Variants in TJAP1 observed in about 807,000 individuals in gnomAD.
The protein encoded by TJAP1 is tight junction associated protein 1, also known as tight junction-associated protein 1.
Under a neutral mutation model 42.0 loss-of-function variants are expected in TJAP1, and 27 were observed. The ratio of observed to expected loss-of-function variants is 0.64; its 90% confidence interval spans 0.47 to 0.89. The LOEUF is 0.89. TJAP1 is among the 40% of genes least tolerant of loss of function. The pLI is 0.00. For synonymous variants in TJAP1, 257 were observed against 288.4 expected, an observed-to-expected ratio of 0.89 and a Z score of 1.10; for missense variants, 712 against 726.9, an observed-to-expected ratio of 0.98 and a Z score of 0.24.
chr6:43,494,762 AG>A (rs1384599862), intron 2 of TJAP1, among the ~76,000 whole-genome samples: 2 of 151,192 alleles, frequency 1.3e-5, no homozygotes, highest in African/African-American at 4.9e-5. Flanking sequence ...TTGTAGAGAC[AG>A]GGTTTCACCA....
intron 3 of TJAP1, 117 bp from the exon 4 acceptor site, chr6:43,498,861 C>A: frequency 1.8e-6 from 2 of 1,096,350 alleles, no homozygotes; most frequent in Non-Finnish European, 1.3e-6. Context: ...ATGGCCCAGG[C>A]CTGTCAGCCT....
intron 2 of TJAP1, among the ~76,000 whole-genome samples, chr6:43,489,971 C>G (rs1212727379): frequency 6.6e-6 from 1 of 152,200 alleles, no homozygotes; most frequent in East Asian, 1.9e-4. Flanking sequence ...TGCCATGAGT[C>G]TGTCGCTAAC....
intron 2 of TJAP1, 31 bp from the exon 3 acceptor site, chr6:43,497,850 G>A (rs1789567889): frequency 6.6e-6 from 1 of 152,336 alleles, no homozygotes; most frequent in African/African-American, 2.4e-5. Context: ...CTGACACCTG[G>A]TTTCCACTTT....
chr6:43,505,652 A>C lies in TJAP1; in HGVS notation c.1471A>C (p.Ser491Arg). 6.2e-7 allele frequency: 1 copy of C among 1,611,870 alleles called. No homozygotes were observed. Among genetic ancestry groups the C allele is most frequent in the Non-Finnish European group, 8.5e-7 (1 of 1,178,710 alleles). The change falls in exon 11 of 11, where the codon AGT becomes CGT. Residue 491 changes from serine to arginine, a missense_variant. This residue lies in a region of TJAP1 where 549 missense variants were observed against 528.2 expected (regional missense o/e 1.04). Coordinates refer to ENST00000372449, the Ensembl canonical transcript of TJAP1. This position sits in a 1 kb window ranked among gnomAD's most constrained non-coding sequence, Gnocchi z 5.5. ...GGAAGAAGAGCTGAACCTGCCTATCAGTCCTGAGGAAGAGCGCCAGAGCCT... is the reference window on the plus strand; with the variant it reads ...GGAAGAAGAGCTGAACCTGCCTATCCGTCCTGAGGAAGAGCGCCAGAGCCT...
At chr6:43,499,003 T>C (rs752696530) in exon 4 of TJAP1, 5 of 1,613,746 alleles carry the variant, frequency 3.1e-6, no homozygotes, top group Admixed American at 1.7e-5. Flanking sequence ...CCTCCCAGAA[T>C]GACTAGTGCC....
chr6:43,501,387 A>G, intron 5 of TJAP1, 139 bp from the exon 6 acceptor site: 1 of 754,130 alleles, frequency 1.3e-6, no homozygotes, highest in Non-Finnish European at 2.2e-6. Flanking sequence ...TTAGACTCAG[A>G]CTAAGACTCC....
At position 43,501,319 on chromosome 6, in the gene TJAP1, C is replaced by T. The variant is rs557944682; in HGVS notation, c.129-207C>T. 21 of 576,384 alleles carry T rather than the reference C, an allele frequency of 3.6e-5. No homozygotes were observed. The East Asian group carries it at 5.8e-4, about 16-fold the overall frequency. 35.7% of individuals were successfully genotyped at this position (576,384 alleles called of 1,614,324 possible). ...TCCCCTACCATCCCCTCTTCCTCCCCTGACCCTCCAACCCAGGCTGTGTTC... is the reference window on the plus strand; with the variant it reads ...TCCCCTACCATCCCCTCTTCCTCCCTTGACCCTCCAACCCAGGCTGTGTTC... On this transcript the variant is annotated intron_variant, in intron 5 of 10. Transcript: ENST00000372449.
At chr6:43,504,200 C>T (rs543303598) in intron 10 of TJAP1, 17 of 235,894 alleles carry the variant, frequency 7.2e-5, no homozygotes, top group African/African-American at 1.4e-4. Context: ...CTGCAACCTC[C>T]GCCTCCCGGC....
At chr6:43,501,100 C>G (rs1407602487) in intron 5 of TJAP1, 7 of 428,296 alleles carry the variant, frequency 1.6e-5, no homozygotes, top group Non-Finnish European at 2.5e-5. Context: ...CATGAGGCCT[C>G]TGGAGAGGAG....
Position 43,505,590 on chromosome 6 carries a change from T to C in TJAP1, c.1409T>C (p.Leu470Ser). ...GCCCGACCCGAAGAGAGTGAGCTTTTGCTACCCACAGAACCTGACTCTGGC... is the reference window on the plus strand; with the variant it reads ...GCCCGACCCGAAGAGAGTGAGCTTTCGCTACCCACAGAACCTGACTCTGGC... The change falls in exon 11 of 11, where the codon TTG (leucine) becomes TCG (serine). Residue 470 changes from leucine (L) to serine (S), a missense_variant. Physicochemically the swap from Leu to Ser is moderately radical, Grantham distance 145 (BLOSUM62 -2). Coordinates refer to ENST00000372449, the Ensembl canonical transcript of TJAP1. The surrounding 1 kb of genome is among the most constrained non-coding windows in gnomAD (Gnocchi z 5.5). 1 of 1,613,638 alleles carries C rather than the reference T, an allele frequency of 6.2e-7. No homozygotes were observed. Among genetic ancestry groups the C allele is most frequent in the Non-Finnish European group, 8.5e-7 (1 of 1,180,038 alleles).
In TJAP1 at chr6:43,505,642, C is replaced by T. The variant is rs1172284003; in HGVS notation, c.1461C>T (p.Asn487=). Residue 487 remains asparagine, a synonymous_variant, in exon 11 of 11, where the codon AAC becomes AAT. Transcript: ENST00000372449. The surrounding 1 kb of genome is among the most constrained non-coding windows in gnomAD (Gnocchi z 5.5). ...TTCCCAGGGAGGAAGAAGAGCTGAA[C>T]CTGCCTATCAGTCCTGAGGAAGAGC... The T allele has an allele frequency of 1.2e-6, 2 of 1,613,378 alleles. No homozygotes were observed. Among genetic ancestry groups the T allele is most frequent in the South Asian group, 1.1e-5 (1 of 91,092 alleles).
rs1277846168 is a variant in TJAP1, at chr6:43,505,030, C to T, written c.849C>T (p.Pro283=). ...CCAGTCCCCCGGCCCCTGGCAGCCC[C>T]ACCCCACAACCCAATGGGGAGTGCC... Residue 283 remains proline (P), a synonymous_variant, in exon 11 of 11, where the codon CCC becomes CCT. Coordinates refer to ENST00000372449, the Ensembl canonical transcript of TJAP1. This position sits in a 1 kb window ranked among gnomAD's most constrained non-coding sequence, Gnocchi z 5.5. The T allele has an allele frequency of 6.2e-7, 1 of 1,614,106 alleles. No individual in the cohort carries two copies. Among genetic ancestry groups the T allele is most frequent in the East Asian group, 2.2e-5 (1 of 44,882 alleles).
chr6:43,506,356 G>C (rs1333850584), exon 11 of TJAP1: 1 of 152,878 alleles, frequency 6.5e-6, no homozygotes, highest in Non-Finnish European at 1.5e-5. Context: ...GGGGACGAGG[G>C]AGAGGACTGA....
At chr6:43,485,506 A>G (rs977175092) in intron 2 of TJAP1, among the ~76,000 whole-genome samples, 11 of 152,194 alleles carry the variant, frequency 7.2e-5, no homozygotes, top group African/African-American at 2.4e-4. Context: ...TTACAATCAG[A>G]TGAGGAAGAT....
At chr6:43,490,288 C>T (rs1194999346) in intron 2 of TJAP1, among the ~76,000 whole-genome samples, 1 of 152,222 alleles carries the variant, frequency 6.6e-6, no homozygotes, top group Non-Finnish European at 1.5e-5. Flanking sequence ...GTCACCCTTC[C>T]CCGAGTCAGC....
At position 43,487,870 on chromosome 6, in the gene TJAP1, G is replaced by GT. The variant is rs549444658; in HGVS notation, c.-122+9654dup. Among the ~76,000 whole-genome samples the GT allele has an allele frequency of 7.6e-3, 1,054 of 138,290 alleles. 7 individuals carry two copies. Among genetic ancestry groups the GT allele is most frequent in the Middle Eastern group, 0.047 (12 of 254 alleles). 90.7% of individuals were successfully genotyped at this position (138,290 alleles called of 152,430 possible). A position where few individuals can be genotyped will look rare whatever the true frequency, so the allele number is the denominator to read the frequency against. The stretch of plus-strand genomic sequence containing the variant: ...CCATTTATCTTGTACCCTTCTAGTA[G>GT]TTTTTTTTTTTTTTTTGAGATGGAG... On this transcript the variant is annotated intron_variant, in intron 2 of 10. Transcript: ENST00000372449.
chr6:43,478,125 C>G (rs931890268), exon 2 of TJAP1: 1 of 152,244 alleles, frequency 6.6e-6, no homozygotes, highest in Non-Finnish European at 1.5e-5. Context: ...GCAGCATCTG[C>G]CCCAATTTCA....
At chr6:43,503,570 C>T (rs376997599) in intron 9 of TJAP1, 53 bp from the exon 10 acceptor site, 13 of 1,612,122 alleles carry the variant, frequency 8.1e-6, no homozygotes, top group Middle Eastern at 1.6e-4. Flanking sequence ...TGGCTCGGCC[C>T]TGCTTCCTTG....
At chr6:43,493,874 A>G (rs752457982) in intron 2 of TJAP1, among the ~76,000 whole-genome samples, 54 of 152,106 alleles carry the variant, frequency 3.6e-4, no homozygotes, top group Admixed American at 2.6e-3. Flanking sequence ...GTACCCACAA[A>G]AGGGAGCAGG....
Sources: gnomAD v4.1 joint callset for allele counts (sites outside exome capture counted in the v4.1 genomes callset) on GRCh38, gnomAD v4.1.1 for gene constraint, gnomAD v4.1.1 regional missense constraint, Gnocchi (gnomAD v3.1) non-coding constraint, MANE v1.5 for transcripts, NCBI Gene and HGNC (gene_info 2026-07-23, HGNC 2026-07-21) for gene names.